The following PTPRN2 variants were observed in gnomAD, a reference collection of about 807,000 sequenced individuals.
PTPRN2 encodes the protein receptor-type tyrosine-protein phosphatase N2.
Under a neutral mutation model 118.8 loss-of-function variants are expected in PTPRN2, and 74 were observed. That is an observed-to-expected ratio of 0.62 (90% CI 0.52 to 0.76). The LOEUF (loss-of-function observed/expected upper bound fraction) is 0.76, where lower values mean the gene tolerates loss of function less well. Among genes scored for constraint, PTPRN2 ranks in the 30% least tolerant of loss-of-function variants. The probability of loss-of-function intolerance (pLI) is 0.00; values close to 1 mark genes in which losing one functional copy is unlikely to be tolerated. For synonymous variants in PTPRN2, 641 were observed against 608.0 expected (o/e 1.05, Z -0.80); for missense variants, 1,481 against 1,394.4 (o/e 1.06, Z -0.99).
rs1291843528 is a variant in PTPRN2, at chr7:157,548,850, A to G, written c.2976+96T>C. 3.3e-6 allele frequency: 4 copies of G among 1,197,940 alleles called. No individual in the cohort carries two copies. The Admixed American group carries it at 7.2e-5, about 22-fold the overall frequency. The allele number at this position is 1,197,940 out of a possible 1,614,324, so 74.2% of individuals were successfully genotyped here. A position where few individuals can be genotyped will look rare whatever the true frequency, so the allele number is the denominator to read the frequency against. ...GAGCAGAGCAATCGGTGTGCGGCTCACATTAAACCAGGCCCTCCCCGTGCT... is the reference window on the plus strand; with the variant it reads ...GAGCAGAGCAATCGGTGTGCGGCTCGCATTAAACCAGGCCCTCCCCGTGCT... On this transcript the variant is annotated intron_variant, in intron 22 of 22. Coordinates refer to ENST00000389418, the MANE Select transcript of PTPRN2 (RefSeq NM_002847.5).
intron 6 of PTPRN2, among the ~76,000 whole-genome samples, chr7:158,159,890 T>C (rs912517434): frequency 6.6e-6 from 1 of 151,944 alleles, no homozygotes; most frequent in African/African-American, 2.4e-5. Flanking sequence ...GTTTGGATCA[T>C]AATCTCAAAA....
intron 5 of PTPRN2, among the ~76,000 whole-genome samples, chr7:158,183,323 C>T (rs1228212212): frequency 6.6e-6 from 1 of 152,206 alleles, no homozygotes; most frequent in East Asian, 1.9e-4. Context: ...TTGTCCCAAT[C>T]ATCATGGAGA....
intron 2 of PTPRN2, among the ~76,000 whole-genome samples, chr7:158,366,068 C>T (rs537752821): frequency 7.8e-4 from 113 of 144,070 alleles, no homozygotes; most frequent in Non-Finnish European, 1.2e-3. Flanking sequence ...CCAATGCACG[C>T]GTGCACACAC....
intron 14 of PTPRN2, among the ~76,000 whole-genome samples, chr7:157,628,793 G>A (rs1803757906): frequency 6.6e-6 from 1 of 152,212 alleles, no homozygotes; most frequent in South Asian, 2.1e-4. Context: ...AGACTCCTGA[G>A]TTCCCTCCCA....
intron 17 of PTPRN2, among the ~76,000 whole-genome samples, chr7:157,586,369 C>T (rs375260977): frequency 1.2e-4 from 18 of 152,328 alleles, no homozygotes; most frequent in African/African-American, 4.1e-4. Context: ...GGTTCCCTCT[C>T]GCACCAGTCA....
intron 4 of PTPRN2, among the ~76,000 whole-genome samples, chr7:158,196,815 GA>G (rs1293591364): frequency 6.6e-6 from 1 of 151,994 alleles, no homozygotes; most frequent in South Asian, 2.1e-4. Flanking sequence ...AGTAGTGAAA[GA>G]AAAAAAAGTA....
At position 157,627,854 on chromosome 7, in the gene PTPRN2, A is replaced by G. The variant is rs987017855; in HGVS notation, c.2197-6345T>C. Among the ~76,000 whole-genome samples the G allele has an allele frequency of 2.6e-5, 4 of 152,144 alleles. No homozygotes were observed. Among genetic ancestry groups the G allele is most frequent in the African/African-American group, 9.7e-5 (4 of 41,422 alleles). ...AGATCCCAGAGCACACGACATCCAC[A>G]CCACAGCAGCTGAAGATGTGGCTGC... On this transcript the variant is annotated intron_variant, in intron 14 of 22. Transcript: ENST00000389418. The surrounding 1 kb of genome is among the most constrained non-coding windows in gnomAD (Gnocchi z 4.2).
At chr7:158,446,895 C>A (rs1359160785) in intron 2 of PTPRN2, among the ~76,000 whole-genome samples, 1 of 152,224 alleles carries the variant, frequency 6.6e-6, no homozygotes, top group Non-Finnish European at 1.5e-5. Context: ...GGCCGGCCTG[C>A]AGCCTCCTAG....
At chr7:158,175,950 C>T (rs1204206015) in intron 5 of PTPRN2, among the ~76,000 whole-genome samples, 5 of 151,322 alleles carry the variant, frequency 3.3e-5, no homozygotes, top group Non-Finnish European at 7.4e-5. Context: ...CACCGTGAGG[C>T]CAGTGCTGAT....
rs1803640293 is a variant in PTPRN2, at chr7:157,780,897, C to T, written c.1789-97960G>A. On this transcript the variant is annotated intron_variant, in intron 12 of 22. Transcript: ENST00000389418. This position sits in a 1 kb window ranked among gnomAD's most constrained non-coding sequence, Gnocchi z 4.5. ...ACCAAAGGTCGGTTTCACTTCTCTC[C>T]TCAGTGCACACCTGAACTCTCACCA... Among the ~76,000 whole-genome samples, 1 of 152,186 alleles carries T rather than the reference C, an allele frequency of 6.6e-6. No individual in the cohort carries two copies. The highest frequency in any genetic ancestry group is 1.9e-4 in the East Asian group (1 of 5,178).
intron 11 of PTPRN2, chr7:158,029,205 C>T (rs913737193): frequency 7.7e-6 from 1 of 129,704 alleles, no homozygotes; most frequent in Non-Finnish European, 1.7e-5. Flanking sequence ...GCACGGGGTC[C>T]GTATCCTCTC....
chr7:157,720,529 C>T lies in PTPRN2; in HGVS notation c.1789-37592G>A, dbSNP rs145523734. Among the ~76,000 whole-genome samples the T allele has an allele frequency of 2.4e-3, 365 of 152,368 alleles. 3 individuals carry two copies. Among genetic ancestry groups the T allele is most frequent in the African/African-American group, 8.3e-3 (347 of 41,594 alleles). On this transcript the variant is annotated intron_variant, in intron 12 of 22. Coordinates refer to ENST00000389418, the MANE Select transcript of PTPRN2 (RefSeq NM_002847.5). ...TCCAGCGGCCGACCCTGCTTCCCTGCGTAGGAGGCCTGAGCCAAGGACACT... is the reference window on the plus strand; with the variant it reads ...TCCAGCGGCCGACCCTGCTTCCCTGTGTAGGAGGCCTGAGCCAAGGACACT...
Position 158,525,352 on chromosome 7 carries a change from T to C in PTPRN2, c.113-35567A>G, listed in dbSNP as rs1824690514. Among the ~76,000 whole-genome samples the C allele has an allele frequency of 6.6e-6, 1 of 152,132 alleles. No individual in the cohort carries two copies. Among genetic ancestry groups the C allele is most frequent in the African/African-American group, 2.4e-5 (1 of 41,442 alleles). On this transcript the variant is annotated intron_variant, in intron 1 of 22. Transcript: ENST00000389418. The surrounding 1 kb of genome is among the most constrained non-coding windows in gnomAD (Gnocchi z 4.1). Reference sequence around the variant, plus strand: ...CCCGAGCAGAAGCTGCAGCAGAAGGTAGCACGGGCAGGATGCTAGGCCCCA... The same window carrying C: ...CCCGAGCAGAAGCTGCAGCAGAAGGCAGCACGGGCAGGATGCTAGGCCCCA...
intron 2 of PTPRN2, among the ~76,000 whole-genome samples, chr7:158,395,949 C>G (rs970360867): frequency 2.0e-5 from 3 of 152,046 alleles, no homozygotes; most frequent in Non-Finnish European, 4.4e-5. Flanking sequence ...CCCTCTGCCC[C>G]CTGGTCACAG....
chr7:158,092,338 A>ATGGG (rs891778450), intron 10 of PTPRN2, among the ~76,000 whole-genome samples: 4 of 23,266 alleles, frequency 1.7e-4, no homozygotes, highest in African/African-American at 5.4e-4. Context: ...GGATGGATAG[A>ATGGG]TGGGTGGGTG....
intron 14 of PTPRN2, among the ~76,000 whole-genome samples, chr7:157,654,022 GC>G (rs1254340326): frequency 1.2e-5 from 1 of 80,478 alleles, no homozygotes; most frequent in Non-Finnish European, 2.4e-5. Flanking sequence ...TCCACACGAC[GC>G]CCGCCTCTCC....
At chr7:158,157,491 C>T (rs1821927909) in intron 6 of PTPRN2, among the ~76,000 whole-genome samples, 1 of 152,202 alleles carries the variant, frequency 6.6e-6, no homozygotes, top group Admixed American at 6.5e-5. Flanking sequence ...CTTACTTCTC[C>T]CAAATCTGAA....
chr7:157,837,365 C>T (rs1015331259), intron 12 of PTPRN2, among the ~76,000 whole-genome samples: 2 of 151,472 alleles, frequency 1.3e-5, no homozygotes, highest in African/African-American at 2.4e-5. Flanking sequence ...TTGTTGTGTG[C>T]TGTGGGCCAG....
intron 9 of PTPRN2, among the ~76,000 whole-genome samples, chr7:158,129,020 C>CCA (rs1817931240): frequency 6.6e-6 from 1 of 151,468 alleles, no homozygotes; most frequent in Non-Finnish European, 1.5e-5. Flanking sequence ...ACACTATGTG[C>CCA]CACACACACC....
Sources: allele counts gnomAD v4.1 joint callset (sites outside exome capture counted in the v4.1 genomes callset), GRCh38; gene constraint gnomAD v4.1.1; non-coding constraint Gnocchi (gnomAD v3.1); transcripts MANE v1.5; gene names NCBI Gene and HGNC (gene_info 2026-07-23, HGNC 2026-07-21).